Variants in SUCO observed in about 807,000 individuals in gnomAD.
SUCO encodes SUN domain containing ossification factor.
In SUCO, 57 loss-of-function variants were observed where a neutral mutation model predicts 148.1. That is an observed-to-expected ratio of 0.38 (90% CI 0.31 to 0.48). The LOEUF (loss-of-function observed/expected upper bound fraction) is 0.48, where lower values mean the gene tolerates loss of function less well. Among genes scored for constraint, SUCO ranks in the 20% least tolerant of loss-of-function variants. The pLI is 0.96. For synonymous variants in SUCO, 470 were observed against 502.7 expected (o/e 0.93, Z 0.87); for missense variants, 1,331 against 1,468.2 (o/e 0.91, Z 1.53).
intron 6 of SUCO, among the ~76,000 whole-genome samples, chr1:172,562,327 A>ATTTTTTTTTTTTTTTTTTTTTTTTTT (rs34871543): frequency 1.5e-5 from 2 of 137,706 alleles, no homozygotes. Context: ...GGGTTTTAAC[A>ATTTTTTTTTTTTTTTTTTTTTTTTTT]TTTTTTTTTT....
intron 1 of SUCO, among the ~76,000 whole-genome samples, chr1:172,534,785 A>C (rs1164165894): frequency 6.6e-6 from 1 of 152,010 alleles, no homozygotes; most frequent in Non-Finnish European, 1.5e-5. Flanking sequence ...ATTCATTTCC[A>C]TCTCTTTCTG....
At chr1:172,545,113 G>A (rs1288966816) in intron 1 of SUCO, among the ~76,000 whole-genome samples, 1 of 152,190 alleles carries the variant, frequency 6.6e-6, no homozygotes, top group Non-Finnish European at 1.5e-5. Flanking sequence ...GTAGATAGCA[G>A]TACCAGATGG....
rs368119266 is a variant in SUCO at position 172,578,366 on chromosome 1, A to G, written c.1409A>G (p.Gln470Arg). Residue 470 changes from glutamine (Q) to arginine (R), a missense_variant, in exon 14 of 24, where the codon CAG (glutamine) becomes CGG (arginine). This residue lies in a region of SUCO where 992 missense variants were observed against 1,093.5 expected (regional missense o/e 0.91). Transcript: ENST00000263688. ...IADSQYHSER[Q>R]ELFDEDYDYP... ...GATTCCCAGTATCACTCAGAACGCC[A>G]GGAACTATTTGATGAGGACTATGGT... 6.2e-7 allele frequency: 1 copy of G among 1,612,448 alleles called. No homozygotes were observed. Among genetic ancestry groups the G allele is most frequent in the Non-Finnish European group, 8.5e-7 (1 of 1,178,762 alleles).
chr1:172,532,973 CT>C, upstream of SUCO: 4 of 1,378,138 alleles, frequency 2.9e-6, no homozygotes, highest in Non-Finnish European at 1.9e-6. Flanking sequence ...GGGGCGTGGC[CT>C]GCGCAGAGGC....
intron 9 of SUCO, among the ~76,000 whole-genome samples, chr1:172,571,310 C>G (rs1654958527): frequency 6.6e-6 from 1 of 152,250 alleles, no homozygotes; most frequent in Non-Finnish European, 1.5e-5. Flanking sequence ...ATCCGCCAGC[C>G]TCGGCCTCCC....
rs983628419 is a variant in SUCO at position 172,565,049 on chromosome 1, A to G, written c.733-3970A>G. On this transcript the variant is annotated intron_variant, in intron 6 of 23. Transcript: ENST00000263688. Reference sequence around the variant, plus strand: ...TTATACCATACAATAAGCTCAGTCTATTCTATTCTGTTCTGATCTGTTCTG... The same window carrying G: ...TTATACCATACAATAAGCTCAGTCTGTTCTATTCTGTTCTGATCTGTTCTG... 7.2e-5 allele frequency among the ~76,000 whole-genome samples: 11 copies of G among 152,090 alleles called. No individual in the cohort carries two copies. The East Asian group carries it at 9.6e-4, about 13-fold the overall frequency.
chr1:172,609,681 T>C lies in SUCO; in HGVS notation c.3322-135T>C, dbSNP rs578144510. On this transcript the variant is annotated intron_variant, in intron 23 of 23. Transcript: ENST00000263688. ...TCTATATAGAACATAACAATGTATG[T>C]GTTCTGTGCTGTTTATAATACTGTT... is the stretch of plus-strand genomic sequence containing the variant. 4.1e-6 allele frequency: 6 copies of C among 1,451,344 alleles called. No homozygotes were observed. The South Asian group carries it at 9.2e-5, about 22-fold the overall frequency. The allele number at this position is 1,451,344 out of a possible 1,614,324, so 89.9% of individuals were successfully genotyped here.
intron 13 of SUCO, 88 bp from the exon 14 acceptor site, chr1:172,578,210 C>T (rs1655600856): frequency 9.7e-7 from 1 of 1,030,908 alleles, no homozygotes; most frequent in Non-Finnish European, 1.5e-6. Context: ...AAAATATGAC[C>T]AAAGTTGATG....
rs1658158539 is a variant in SUCO at position 172,610,648 on chromosome 1, A to T, written c.*389A>T. On this transcript the variant is annotated 3_prime_UTR_variant, in exon 24 of 24. Coordinates refer to ENST00000263688, the MANE Select transcript of SUCO (RefSeq NM_014283.5). ...GTGCCTTTTGTCTATTTATAATGCC[A>T]CTGGAAGAGGAGGGATAACTTTTTC... 6.3e-6 allele frequency: 1 copy of T among 158,980 alleles called. No homozygotes were observed. The allele number at this position is 158,980 out of a possible 1,614,324, so 9.8% of individuals were successfully genotyped here. A position where few individuals can be genotyped will look rare whatever the true frequency, so the allele number is the denominator to read the frequency against.
Position 172,538,978 on chromosome 1 carries a change from T to C in SUCO, c.62+5481T>C, listed in dbSNP as rs1181628763. 3.3e-5 allele frequency among the ~76,000 whole-genome samples: 5 copies of C among 152,306 alleles called. No individual in the cohort carries two copies. The East Asian group carries it at 9.6e-4, about 29-fold the overall frequency. Reference sequence around the variant, plus strand: ...TGTTTCATGTTGGTCCTTTATGTTATTAAACATTTGAGGATATACTGGAAT... The same window carrying C: ...TGTTTCATGTTGGTCCTTTATGTTACTAAACATTTGAGGATATACTGGAAT... On this transcript the variant is annotated intron_variant, in intron 1 of 23. Transcript: ENST00000263688.
rs186450141 is a variant in SUCO, at chr1:172,546,165, A to T, written c.63-5347A>T. Among the ~76,000 whole-genome samples, 92 of 152,142 alleles carry T rather than the reference A, an allele frequency of 6.0e-4. 2 individuals are homozygous for T. Among genetic ancestry groups the T allele is most frequent in the Admixed American group, 5.8e-3 (88 of 15,284 alleles). On this transcript the variant is annotated intron_variant, in intron 1 of 23. Coordinates refer to ENST00000263688, the MANE Select transcript of SUCO (RefSeq NM_014283.5). The stretch of plus-strand genomic sequence containing the variant: ...TGCCCAGGCTGGTCTCTGACTCCTG[A>T]TCTCCTCTTAAATTTGTCCATACTC...
chr1:172,602,346 AC>A, intron 21 of SUCO, 128 bp downstream of exon 21: 1 of 1,408,100 alleles, frequency 7.1e-7, no homozygotes, highest in Non-Finnish European at 9.3e-7. Flanking sequence ...TGAAACCAAA[AC>A]ATTAAAAACA....
At chr1:172,537,716 T>C (rs1347638916) in intron 1 of SUCO, among the ~76,000 whole-genome samples, 1 of 152,226 alleles carries the variant, frequency 6.6e-6, no homozygotes, top group African/African-American at 2.4e-5. Context: ...CAAAGGATCA[T>C]CTTGGAGAAG....
At chr1:172,554,530 A>G (rs377515352) in intron 3 of SUCO, among the ~76,000 whole-genome samples, 1 of 152,188 alleles carries the variant, frequency 6.6e-6, no homozygotes, top group Non-Finnish European at 1.5e-5. Context: ...TGAGGTCAGG[A>G]GTTCGAGACC....
In SUCO at chr1:172,610,991, G is replaced by C. The variant is rs554278340; in HGVS notation, c.*732G>C. 6.6e-6 allele frequency: 1 copy of C among 152,650 alleles called. No individual in the cohort carries two copies. Among genetic ancestry groups the C allele is most frequent in the East Asian group, 1.9e-4 (1 of 5,184 alleles). 9.5% of individuals were successfully genotyped at this position (152,650 alleles called of 1,614,324 possible). A position where few individuals can be genotyped will look rare whatever the true frequency, so the allele number is the denominator to read the frequency against. On this transcript the variant is annotated 3_prime_UTR_variant, in exon 24 of 24. Coordinates refer to ENST00000263688, the MANE Select transcript of SUCO (RefSeq NM_014283.5). ...TTTTTGCAAACAACTGATATATGCA[G>C]ACAAATTTTTGACAAATTCACCTTT...
At chr1:172,532,841 T>C (rs753090659), upstream of SUCO, 2 of 1,544,240 alleles carry the variant, frequency 1.3e-6, no homozygotes, top group South Asian at 2.5e-5. Context: ...ACTGGGCTCC[T>C]CCCGGCTTTC....
intron 6 of SUCO, among the ~76,000 whole-genome samples, chr1:172,563,085 CTG>C (rs139986904): frequency 0.043 from 6,608 of 152,252 alleles, 454 homozygotes; most frequent in African/African-American, 0.15. Flanking sequence ...ACCTAAGAAA[CTG>C]TGAGTCAATT....
At chr1:172,608,121 TAAATC>T (rs757362258) in intron 22 of SUCO, 213 of 979,348 alleles carry the variant, frequency 2.2e-4, no homozygotes, top group Non-Finnish European at 2.5e-4. Context: ...CTAAAACTAA[TAAATC>T]TAATTTACTC....
At chr1:172,536,397 AG>A (rs1291632497) in intron 1 of SUCO, among the ~76,000 whole-genome samples, 5 of 152,210 alleles carry the variant, frequency 3.3e-5, no homozygotes, top group African/African-American at 4.8e-5. Flanking sequence ...CATACTTCAC[AG>A]GGTTGTTAGG....
Sources: gnomAD v4.1 joint callset for allele counts (sites outside exome capture counted in the v4.1 genomes callset) on GRCh38, gnomAD v4.1.1 for gene constraint, gnomAD v4.1.1 regional missense constraint, MANE v1.5 for transcripts, NCBI Gene and HGNC (gene_info 2026-07-23, HGNC 2026-07-21) for gene names.